FAM20C: variants seen among roughly 807,000 people sequenced by gnomAD.
The protein encoded by FAM20C is extracellular serine/threonine protein kinase FAM20C.
Under a neutral mutation model 51.5 loss-of-function variants are expected in FAM20C, and 40 were observed. The observed-to-expected ratio is 0.78, with a 90% CI of 0.60 to 1.01. The LOEUF (loss-of-function observed/expected upper bound fraction) is 1.01, where lower values mean the gene tolerates loss of function less well. Ranked by LOEUF, FAM20C falls within the 50% of genes least tolerant of loss-of-function variation. The probability of loss-of-function intolerance (pLI) is 0.00; values close to 1 mark genes in which losing one functional copy is unlikely to be tolerated. For missense variants in FAM20C, 861 were observed against 844.7 expected (o/e 1.02, Z -0.24); for synonymous variants, 406 against 380.6 (o/e 1.07, Z -0.78).
At chr7:231,480 G>A (rs1287495727) in intron 3 of FAM20C, among the ~76,000 whole-genome samples, 1 of 151,800 alleles carries the variant, frequency 6.6e-6, no homozygotes, top group East Asian at 2.0e-4. Context: ...GGACTCTGTG[G>A]GAGGAGGGTC....
intron 1 of FAM20C, chr7:195,196 G>C (rs372590310): frequency 4.6e-6 from 1 of 218,230 alleles, no homozygotes; most frequent in Non-Finnish European, 8.9e-6. Context: ...ACAGCCCCTC[G>C]CACCCTCAGC....
At chr7:230,119 A>T (rs1322576551) in intron 3 of FAM20C, among the ~76,000 whole-genome samples, 3 of 152,078 alleles carry the variant, frequency 2.0e-5, no homozygotes, top group Admixed American at 6.5e-5. Flanking sequence ...GGTGTGGTTA[A>T]ATTAAAGACT....
intron 8 of FAM20C, among the ~76,000 whole-genome samples, chr7:258,378 AG>A (rs1788723331): frequency 1.4e-5 from 1 of 69,890 alleles, no homozygotes; most frequent in Non-Finnish European, 3.2e-5. Context: ...GGAGATGGGC[AG>A]GGTGGACCCA....
At chr7:228,614 G>C in intron 3 of FAM20C, 1 of 456,272 alleles carries the variant, frequency 2.2e-6, no homozygotes, top group Non-Finnish European at 4.4e-6. Context: ...GAGCCGGTGT[G>C]AGCCAGGGGA....
rs80327117 is a variant in FAM20C at position 213,703 on chromosome 7, C to T, written c.863+4727C>T. 3.8e-3 allele frequency among the ~76,000 whole-genome samples: 583 copies of T among 152,280 alleles called. 5 individuals carry two copies. Among genetic ancestry groups the T allele is most frequent in the African/African-American group, 0.013 (535 of 41,524 alleles). On this transcript the variant is annotated intron_variant, in intron 3 of 9. Transcript: ENST00000313766. Reference sequence around the variant, plus strand: ...ATTCTGGGGAGCAGTTGCCGGATCACGTGATAACTGCGTTTAACTGTTTGA... The same window carrying T: ...ATTCTGGGGAGCAGTTGCCGGATCATGTGATAACTGCGTTTAACTGTTTGA...
Position 258,689 on chromosome 7 carries a change from C to T in FAM20C, c.1489C>T (p.Leu497=), listed in dbSNP as rs1402597796. ...SHDELSILVP[L]QQCCRIRKST... The stretch of plus-strand genomic sequence containing the variant: ...CGACGAGCTCTCCATCCTGGTGCCG[C>T]TACAGCAGTGCTGCAGGTACAGCCC... The change falls in exon 9 of 10, where the codon CTA becomes TTA. Residue 497 remains leucine, a synonymous_variant. Transcript: ENST00000313766. The T allele has an allele frequency of 6.5e-7, 1 of 1,536,498 alleles. No individual in the cohort carries two copies. Among genetic ancestry groups the T allele is most frequent in the South Asian group, 1.2e-5 (1 of 84,034 alleles).
intron 2 of FAM20C, among the ~76,000 whole-genome samples, chr7:206,484 C>T (rs1207062509): frequency 6.6e-6 from 1 of 151,788 alleles, no homozygotes; most frequent in Admixed American, 6.6e-5. Flanking sequence ...CTGGTCCCCT[C>T]GGCCCTGCAC....
Position 207,731 on chromosome 7 carries a change from C to T in FAM20C, c.785-1167C>T, listed in dbSNP as rs976154946. Among the ~76,000 whole-genome samples the T allele has an allele frequency of 1.3e-4, 20 of 152,364 alleles. No homozygotes were observed. In the East Asian group the frequency reaches 1.7e-3, roughly 13 times the overall value. ...ACACCAGACAATCCCCCGCGTGGCC[C>T]GGACCTACCGGTCCACAGCGCGTGA... On this transcript the variant is annotated intron_variant, in intron 2 of 9. Coordinates refer to ENST00000313766, the MANE Select transcript of FAM20C (RefSeq NM_020223.4).
chr7:233,776 G>A (rs1035303790), intron 3 of FAM20C, among the ~76,000 whole-genome samples: 16 of 152,330 alleles, frequency 1.1e-4, no homozygotes, highest in Middle Eastern at 3.4e-3. Context: ...GTTCAGATGC[G>A]GACAACTTTG....
intron 3 of FAM20C, among the ~76,000 whole-genome samples, chr7:244,916 A>G (rs1788087913): frequency 6.6e-6 from 1 of 152,226 alleles, no homozygotes; most frequent in African/African-American, 2.4e-5. Flanking sequence ...ACGTTCCGGG[A>G]ACACGGAGAA....
At chr7:245,122 G>A (rs143640507) in intron 3 of FAM20C, among the ~76,000 whole-genome samples, 45 of 152,334 alleles carry the variant, frequency 3.0e-4, no homozygotes, top group African/African-American at 9.1e-4. Context: ...GGAGTTGGGC[G>A]GACCTCCGCT....
intron 3 of FAM20C, among the ~76,000 whole-genome samples, chr7:217,168 A>G (rs986614362): frequency 1.3e-5 from 2 of 152,114 alleles, no homozygotes; most frequent in Non-Finnish European, 2.9e-5. Flanking sequence ...AACCTTTCCC[A>G]GGTGCCCTGG....
intron 5 of FAM20C, among the ~76,000 whole-genome samples, chr7:249,381 G>A (rs1390586690): frequency 2.6e-5 from 4 of 152,352 alleles, no homozygotes; most frequent in East Asian, 3.9e-4. Context: ...AAGACTCTAC[G>A]TGATAAGTAC....
At chr7:197,442 G>C (rs972048273) in intron 2 of FAM20C, 1 of 167,026 alleles carries the variant, frequency 6.0e-6, no homozygotes. Context: ...ACACCAGCCA[G>C]GGCGTTCGGG....
At chr7:207,293 C>G (rs28579971) in intron 2 of FAM20C, among the ~76,000 whole-genome samples, 4 of 10,956 alleles carry the variant, frequency 3.7e-4, no homozygotes, top group African/African-American at 9.2e-4. Flanking sequence ...CCCTCGGCCC[C>G]GCACACGTGT....
At chr7:208,615 T>TTTGAG in intron 2 of FAM20C, among the ~76,000 whole-genome samples, 1 of 150,594 alleles carries the variant, frequency 6.6e-6, no homozygotes. Context: ...CTTATACGTG[T>TTTGAG]GTGTCCAGGT....
intron 2 of FAM20C, among the ~76,000 whole-genome samples, chr7:201,662 C>G (rs1487919053): frequency 6.6e-6 from 1 of 152,228 alleles, no homozygotes; most frequent in Admixed American, 6.5e-5. Flanking sequence ...CACCAAAGTC[C>G]ATTAGTATTT....
chr7:241,734 CG>C (rs1787952656), intron 3 of FAM20C, among the ~76,000 whole-genome samples: 1 of 151,460 alleles, frequency 6.6e-6, no homozygotes, highest in Non-Finnish European at 1.5e-5. Flanking sequence ...TGTGAGCGCC[CG>C]TGTGTGTGTT....
chr7:254,247 C>A (rs1009403086), intron 5 of FAM20C, among the ~76,000 whole-genome samples: 1 of 152,200 alleles, frequency 6.6e-6, no homozygotes, highest in Non-Finnish European at 1.5e-5. Flanking sequence ...CTGTTCACTC[C>A]GCTGGGAAGC....
Sources: gnomAD v4.1 joint callset for allele counts (sites outside exome capture counted in the v4.1 genomes callset) on GRCh38, gnomAD v4.1.1 for gene constraint, MANE v1.5 for transcripts, NCBI Gene and HGNC (gene_info 2026-07-23, HGNC 2026-07-21) for gene names.